The following MAP3K5 variants were observed in gnomAD, a reference collection of about 807,000 sequenced individuals.
MAP3K5 encodes ASK-1.
In MAP3K5, 56 loss-of-function variants were observed where a neutral mutation model predicts 158.7. The ratio of observed to expected loss-of-function variants is 0.35; its 90% confidence interval spans 0.28 to 0.44. The LOEUF (loss-of-function observed/expected upper bound fraction) is 0.44, where lower values mean the gene tolerates loss of function less well. Ranked by LOEUF, MAP3K5 falls within the 20% of genes least tolerant of loss-of-function variation. The pLI is 1.00. For synonymous variants in MAP3K5, 579 were observed against 601.7 expected (o/e 0.96, Z 0.55); for missense variants, 1,294 against 1,674.8 (o/e 0.77, Z 3.97).
intron 1 of MAP3K5, among the ~76,000 whole-genome samples, chr6:136,729,211 A>C (rs1311231331): frequency 6.6e-6 from 1 of 152,186 alleles, no homozygotes; most frequent in Non-Finnish European, 1.5e-5. Flanking sequence ...TACAGAGCTG[A>C]AGAGCTGGAA....
In MAP3K5 at chr6:136,656,474, G is replaced by C. The variant is rs765197309; in HGVS notation, c.1527-14C>G. On this transcript the variant is annotated splice_polypyrimidine_tract_variant and intron_variant, in intron 9 of 29. Transcript: ENST00000359015. ...GACTTGAGGTACCTGAGAAGGAAAA[G>C]ATATAAAACATGTAACAGACAAATT... 1 of 1,528,102 alleles carries C rather than the reference G, an allele frequency of 6.5e-7. No individual in the cohort carries two copies. The highest frequency in any genetic ancestry group is 1.3e-5 in the South Asian group (1 of 79,576). The allele number at this position is 1,528,102 out of a possible 1,614,324, so 94.7% of individuals were successfully genotyped here. A position where few individuals can be genotyped will look rare whatever the true frequency, so the allele number is the denominator to read the frequency against.
intron 1 of MAP3K5, among the ~76,000 whole-genome samples, chr6:136,780,629 A>G (rs1784577840): frequency 6.6e-6 from 1 of 152,234 alleles, no homozygotes; most frequent in African/African-American, 2.4e-5. Flanking sequence ...TTGATGAGTT[A>G]GAAAGGAGCT....
At chr6:136,601,188 C>A in intron 20 of MAP3K5, 146 bp from the exon 21 acceptor site, 4 of 651,836 alleles carry the variant, frequency 6.1e-6, no homozygotes, top group Admixed American at 6.0e-5. Context: ...ATATAAACAT[C>A]AAAAAACGCC....
At chr6:136,745,843 A>C (rs1782931655) in intron 1 of MAP3K5, among the ~76,000 whole-genome samples, 1 of 152,210 alleles carries the variant, frequency 6.6e-6, no homozygotes, top group Non-Finnish European at 1.5e-5. Context: ...AATCTAGATA[A>C]TTCCGAGGAG....
intron 3 of MAP3K5, among the ~76,000 whole-genome samples, chr6:136,703,000 T>C (rs1391485518): frequency 1.3e-5 from 2 of 152,174 alleles, no homozygotes; most frequent in Admixed American, 1.3e-4. Context: ...TGGCTCCTAA[T>C]TAATTATTTT....
chr6:136,705,158 C>G, intron 2 of MAP3K5, 25 bp from the exon 3 acceptor site: 1 of 1,100,030 alleles, frequency 9.1e-7, no homozygotes, highest in Non-Finnish European at 1.3e-6. Flanking sequence ...AAAAAATATA[C>G]CACAAGTTAA....
At chr6:136,784,122 T>C (rs932918897) in intron 1 of MAP3K5, among the ~76,000 whole-genome samples, 6 of 152,170 alleles carry the variant, frequency 3.9e-5, no homozygotes, top group African/African-American at 1.4e-4. Flanking sequence ...GCTTATATAA[T>C]GCACAGGCTT....
intron 2 of MAP3K5, among the ~76,000 whole-genome samples, chr6:136,706,931 T>C (rs1366014952): frequency 6.6e-6 from 1 of 152,188 alleles, no homozygotes; most frequent in Non-Finnish European, 1.5e-5. Flanking sequence ...GAAGATCACT[T>C]GAGACTAGGA....
At chr6:136,776,522 G>A (rs2115023774) in intron 1 of MAP3K5, among the ~76,000 whole-genome samples, 1 of 152,302 alleles carries the variant, frequency 6.6e-6, no homozygotes, top group East Asian at 1.9e-4. Context: ...TGGGATTATA[G>A]GCATGAGCCA....
chr6:136,722,322 TAAA>T (rs1311267519), intron 1 of MAP3K5, among the ~76,000 whole-genome samples: 1 of 152,200 alleles, frequency 6.6e-6, no homozygotes, highest in Non-Finnish European at 1.5e-5. Context: ...ATAACAAATT[TAAA>T]AGAAGATAAT....
intron 8 of MAP3K5, among the ~76,000 whole-genome samples, chr6:136,665,292 T>A (rs772815191): frequency 6.6e-6 from 1 of 152,138 alleles, no homozygotes; most frequent in African/African-American, 2.4e-5. Context: ...TTTTGAAGAA[T>A]ACATTCTCTG....
intron 26 of MAP3K5, among the ~76,000 whole-genome samples, chr6:136,563,473 G>A (rs1442716392): frequency 1.3e-5 from 2 of 152,288 alleles, no homozygotes; most frequent in South Asian, 2.1e-4. Flanking sequence ...AAATGTTCAC[G>A]GTTGTTGCTA....
chr6:136,634,439 C>T (rs1777517230), intron 14 of MAP3K5, among the ~76,000 whole-genome samples: 1 of 152,092 alleles, frequency 6.6e-6, no homozygotes, highest in Non-Finnish European at 1.5e-5. Flanking sequence ...AGCCAAGACT[C>T]TTGAAGCCGG....
At chr6:136,724,657 C>A (rs903021537) in intron 1 of MAP3K5, among the ~76,000 whole-genome samples, 21 of 152,114 alleles carry the variant, frequency 1.4e-4, no homozygotes, top group African/African-American at 4.3e-4. Context: ...CTGAAAGGTG[C>A]TTATTGGTAT....
intron 26 of MAP3K5, among the ~76,000 whole-genome samples, chr6:136,564,230 C>T (rs1295629889): frequency 6.6e-6 from 1 of 152,114 alleles, no homozygotes; most frequent in Non-Finnish European, 1.5e-5. Flanking sequence ...CTTCCCAGAC[C>T]CCCAGGCTCG....
chr6:136,624,554 A>C (rs1184460208), intron 14 of MAP3K5, among the ~76,000 whole-genome samples: 1 of 152,220 alleles, frequency 6.6e-6, no homozygotes, highest in Non-Finnish European at 1.5e-5. Context: ...ATTAGACAAC[A>C]AAGAAAAATT....
chr6:136,641,648 GGT>G (rs1491251610), intron 12 of MAP3K5, among the ~76,000 whole-genome samples: 1 of 78,698 alleles, frequency 1.3e-5, no homozygotes, highest in Non-Finnish European at 2.4e-5. Context: ...CCTTACAGAA[GGT>G]TTTTTTTTTT....
chr6:136,599,075 G>A (rs1183983969), intron 21 of MAP3K5, among the ~76,000 whole-genome samples: 1 of 151,700 alleles, frequency 6.6e-6, no homozygotes, highest in Non-Finnish European at 1.5e-5. Context: ...GGAGGGTGAG[G>A]TGGGAGGATC....
intron 18 of MAP3K5, among the ~76,000 whole-genome samples, chr6:136,606,538 T>C (rs1776109643): frequency 6.6e-6 from 1 of 152,172 alleles, no homozygotes; most frequent in African/African-American, 2.4e-5. Flanking sequence ...TTAACCTAAA[T>C]GAGAGGCTGG....
Sources: gnomAD v4.1 joint callset for allele counts (sites outside exome capture counted in the v4.1 genomes callset) on GRCh38, gnomAD v4.1.1 for gene constraint, MANE v1.5 for transcripts, NCBI Gene and HGNC (gene_info 2026-07-23, HGNC 2026-07-21) for gene names.